RFTN2: variants seen among roughly 807,000 people sequenced by gnomAD.
RFTN2 encodes the protein raftlin family member 2, also known as raftlin-2.
Under a neutral mutation model 52.7 loss-of-function variants are expected in RFTN2, and 34 were observed. The observed-to-expected ratio is 0.64, with a 90% CI of 0.49 to 0.86. The LOEUF (loss-of-function observed/expected upper bound fraction) is 0.86, where lower values mean the gene tolerates loss of function less well. Ranked by LOEUF, RFTN2 falls within the 40% of genes least tolerant of loss-of-function variation. The pLI, the probability that RFTN2 is intolerant of heterozygous loss-of-function variation, is 0.00. For missense variants in RFTN2, 536 were observed against 600.1 expected (o/e 0.89, Z 1.12); for synonymous variants, 203 against 217.7 (o/e 0.93, Z 0.59).
At chr2:197,634,100 G>A in intron 3 of RFTN2, 103 bp from the exon 4 acceptor site, 3 of 959,118 alleles carry the variant, frequency 3.1e-6, no homozygotes, top group Non-Finnish European at 4.6e-6. Context: ...ACTAGAAGAT[G>A]GAGTAACTTG....
At chr2:197,617,444 G>A (rs535437241) in intron 6 of RFTN2, among the ~76,000 whole-genome samples, 52 of 152,238 alleles carry the variant, frequency 3.4e-4, no homozygotes, top group African/African-American at 1.1e-3. Flanking sequence ...CATGTGCCAG[G>A]CACTGAAGAT....
chr2:197,617,908 A>AG lies in RFTN2; in HGVS notation c.941dup (p.Lys315Ter). 1 of 1,607,166 alleles carries AG rather than the reference A, an allele frequency of 6.2e-7. No individual in the cohort carries two copies. Among genetic ancestry groups the AG allele is most frequent in the Non-Finnish European group, 8.5e-7 (1 of 1,176,452 alleles). ...AGATAAAAAATCCTTCCAAAGATTTAGGCAAATGTTCCCCTGTGAGGAAGA... is the reference window on the plus strand; with the variant it reads ...AGATAAAAAATCCTTCCAAAGATTTAGGGCAAATGTTCCCCTGTGAGGAAGA... On this transcript the variant is annotated frameshift_variant, in exon 6 of 9. Transcript: ENST00000295049. LOFTEE classifies it high-confidence loss of function.
intron 5 of RFTN2, among the ~76,000 whole-genome samples, chr2:197,630,267 A>T (rs577576790): frequency 6.6e-6 from 1 of 152,222 alleles, no homozygotes; most frequent in South Asian, 2.1e-4. Flanking sequence ...TTTGCTTTTC[A>T]TTCTTTCCTC....
At chr2:197,635,314 T>A (rs1387840388) in intron 3 of RFTN2, among the ~76,000 whole-genome samples, 3 of 152,200 alleles carry the variant, frequency 2.0e-5, no homozygotes, top group African/African-American at 7.2e-5. Context: ...GTCACCACAC[T>A]GACTTCCACA....
At chr2:197,584,769 G>A (rs200887055) in intron 8 of RFTN2, among the ~76,000 whole-genome samples, 3 of 152,202 alleles carry the variant, frequency 2.0e-5, no homozygotes, top group Non-Finnish European at 2.9e-5. Flanking sequence ...TTACATGGAC[G>A]CACTTTCTTG....
chr2:197,572,529 G>T (rs1167186110), intron 8 of RFTN2, among the ~76,000 whole-genome samples: 7 of 152,152 alleles, frequency 4.6e-5, no homozygotes. Flanking sequence ...TTGTTGATGG[G>T]TATGTTATGT....
chr2:197,629,611 T>C (rs2088427191), intron 5 of RFTN2, among the ~76,000 whole-genome samples: 1 of 150,208 alleles, frequency 6.7e-6, no homozygotes, highest in South Asian at 2.1e-4. Context: ...AAAAAATAAA[T>C]AAAAGACCAA....
intron 8 of RFTN2, among the ~76,000 whole-genome samples, chr2:197,574,585 T>C (rs887256485): frequency 7.2e-5 from 11 of 152,128 alleles, no homozygotes; most frequent in Non-Finnish European, 1.5e-5. Flanking sequence ...TTAAGACTTT[T>C]GGCCGGGTGC....
chr2:197,663,327 G>A (rs1238259176), intron 1 of RFTN2, among the ~76,000 whole-genome samples: 1 of 152,090 alleles, frequency 6.6e-6, no homozygotes, highest in Non-Finnish European at 1.5e-5. Context: ...TGGCCTTACA[G>A]AATGAATTAG....
chr2:197,658,678 T>G (rs67492914), intron 1 of RFTN2, among the ~76,000 whole-genome samples: 103,546 of 151,998 alleles, frequency 0.68, 35,608 homozygotes, highest in Middle Eastern at 0.85. Flanking sequence ...GTAGCTGCAA[T>G]CCTTCTTCTC....
intron 5 of RFTN2, among the ~76,000 whole-genome samples, chr2:197,619,250 A>G (rs7591570): frequency 0.22 from 33,343 of 150,804 alleles, 3,697 homozygotes; most frequent in African/African-American, 0.29. Flanking sequence ...TGTACCCAAC[A>G]GCTCATTGAG....
At chr2:197,644,409 C>T in intron 2 of RFTN2, 137 bp from the exon 3 acceptor site, 1 of 514,840 alleles carries the variant, frequency 1.9e-6, no homozygotes, top group Non-Finnish European at 3.5e-6. Context: ...TGATGGCTAT[C>T]TTCTTATATA....
At chr2:197,575,379 C>A (rs974247285) in intron 8 of RFTN2, among the ~76,000 whole-genome samples, 8 of 152,244 alleles carry the variant, frequency 5.3e-5, no homozygotes, top group Admixed American at 2.0e-4. Context: ...TTATTTTGAG[C>A]GAGTGTCTAG....
chr2:197,631,930 C>T (rs1421584049), intron 4 of RFTN2, among the ~76,000 whole-genome samples: 3 of 152,170 alleles, frequency 2.0e-5, no homozygotes, highest in African/African-American at 7.2e-5. Flanking sequence ...TCACCAGATA[C>T]TCAAAGAGGT....
Position 197,570,014 on chromosome 2 carries a change from T to C in RFTN2, c.*1994A>G, listed in dbSNP as rs1462468867. The C allele has an allele frequency of 6.6e-6, 1 of 151,964 alleles. No homozygotes were observed. Among genetic ancestry groups the C allele is most frequent in the Non-Finnish European group, 1.5e-5 (1 of 67,980 alleles). 9.4% of individuals were successfully genotyped at this position (151,964 alleles called of 1,614,324 possible). On this transcript the variant is annotated 3_prime_UTR_variant, in exon 9 of 9. Transcript: ENST00000295049. ...TATAAATTCCTATCTCTGTTTTTAA[T>C]TTACTACTTCCAATCCCCTATGTAT... is the stretch of plus-strand genomic sequence containing the variant.
At chr2:197,588,872 G>C (rs2087643611) in intron 8 of RFTN2, among the ~76,000 whole-genome samples, 1 of 152,158 alleles carries the variant, frequency 6.6e-6, no homozygotes, top group Non-Finnish European at 1.5e-5. Context: ...GAATCACAGA[G>C]ATGGGTCTCT....
intron 7 of RFTN2, among the ~76,000 whole-genome samples, chr2:197,610,601 T>A (rs2088040469): frequency 6.6e-6 from 1 of 152,144 alleles, no homozygotes; most frequent in South Asian, 2.1e-4. Flanking sequence ...GAATACCCTT[T>A]ATTTCTTTCT....
chr2:197,594,612 G>T (rs962634029), intron 8 of RFTN2, among the ~76,000 whole-genome samples: 5 of 152,236 alleles, frequency 3.3e-5, no homozygotes, highest in Non-Finnish European at 1.5e-5. Context: ...GATTACAGGT[G>T]TGAGCCCCTG....
chr2:197,656,614 G>A (rs568880281), intron 1 of RFTN2, among the ~76,000 whole-genome samples: 8 of 152,270 alleles, frequency 5.3e-5, no homozygotes, highest in African/African-American at 1.9e-4. Context: ...ATAAGTCATT[G>A]TTGGTTTAAA....
Sources: allele counts gnomAD v4.1 joint callset (sites outside exome capture counted in the v4.1 genomes callset), GRCh38; gene constraint gnomAD v4.1.1; transcripts MANE v1.5; gene names NCBI Gene and HGNC (gene_info 2026-07-23, HGNC 2026-07-21).